Variants in CA6 observed in about 807,000 individuals in gnomAD.
The protein encoded by CA6 is carbonate dehydratase VI.
In CA6, 28 loss-of-function variants were observed where a neutral mutation model predicts 35.9. The ratio of observed to expected loss-of-function variants is 0.78; its 90% CI spans 0.58 to 1.07. The LOEUF is 1.07. CA6 is among the 50% of genes least tolerant of loss of function. The pLI is 0.00. For missense variants in CA6, 377 were observed against 382.0 expected (o/e 0.99, Z 0.11); for synonymous variants, 148 against 152.6 (o/e 0.97, Z 0.22).
In CA6 at chr1:8,962,626, A is replaced by T; in HGVS notation, c.541A>T (p.Ile181Phe). 1 of 1,613,898 alleles carries T rather than the reference A, an allele frequency of 6.2e-7. No homozygotes were observed. The highest frequency in any genetic ancestry group is 8.5e-7 in the Non-Finnish European group (1 of 1,179,810). ...YPENTYYSNF[I>F]SHLANIKYPG... ...TGAAAACACTTATTACAGCAACTTC[A>T]TTTCTCATCTGGCCAACATCAAGTA... The change falls in exon 5 of 8, where the codon ATT becomes TTT. Residue 181 changes from isoleucine to phenylalanine, a missense_variant. Coordinates refer to ENST00000377443, the MANE Select transcript of CA6 (RefSeq NM_001215.4).
intron 3 of CA6, among the ~76,000 whole-genome samples, chr1:8,958,286 C>T (rs974547066): frequency 2.6e-5 from 4 of 152,062 alleles, no homozygotes; most frequent in African/African-American, 9.7e-5. Context: ...TCCTGCCTCA[C>T]CCACCCGAGA....
chr1:8,969,199 C>T (rs573326193), intron 6 of CA6, among the ~76,000 whole-genome samples: 1 of 152,020 alleles, frequency 6.6e-6, no homozygotes, highest in East Asian at 1.9e-4. Flanking sequence ...CCTATAATCC[C>T]AGCCACTCAG....
At chr1:8,955,619 C>CGCCTCCTTTTAAGGCCCTTCCAT (rs1553162683) in intron 2 of CA6, among the ~76,000 whole-genome samples, 18 of 149,022 alleles carry the variant, frequency 1.2e-4, no homozygotes, top group African/African-American at 3.6e-4. Flanking sequence ...TGACCTTGCA[C>CGCCTCCTTTTAAGGCCCTTCCAT]GCCTCCTTTT....
Position 8,974,904 on chromosome 1 carries a change from T to A in CA6, c.*200T>A, listed in dbSNP as rs1640228750. 2 of 469,278 alleles carry A rather than the reference T, an allele frequency of 4.3e-6. No individual in the cohort carries two copies. Among genetic ancestry groups the A allele is most frequent in the African/African-American group, 2.0e-5 (1 of 49,116 alleles). 29.1% of individuals were successfully genotyped at this position (469,278 alleles called of 1,614,324 possible). ...TGGACAGGAAGTGAGATGGCTTCAG[T>A]TCATGAGACGGGATCTGAGTTAGAC... On this transcript the variant is annotated 3_prime_UTR_variant, in exon 8 of 8. Coordinates refer to ENST00000377443, the MANE Select transcript of CA6 (RefSeq NM_001215.4).
chr1:8,951,639 C>T (rs752041601), intron 2 of CA6: 3 of 765,202 alleles, frequency 3.9e-6, no homozygotes, highest in Non-Finnish European at 7.2e-6. Flanking sequence ...AGCCCAGCTT[C>T]CCAAGGGGCT....
chr1:8,957,097 G>T, intron 2 of CA6, 40 bp from the exon 3 acceptor site: 2 of 1,545,412 alleles, frequency 1.3e-6, no homozygotes, highest in East Asian at 2.3e-5. Flanking sequence ...ACCCCTCTGT[G>T]TTCACCTACT....
intron 1 of CA6, 50 bp from the exon 2 acceptor site, chr1:8,949,213 A>C (rs1639451872): frequency 1.4e-6 from 2 of 1,449,576 alleles, no homozygotes; most frequent in Non-Finnish European, 1.9e-6. Context: ...AGGTTCCTCC[A>C]GAGTGGGCGC....
At chr1:8,961,861 C>T (rs918252638) in intron 4 of CA6, among the ~76,000 whole-genome samples, 21 of 152,180 alleles carry the variant, frequency 1.4e-4, no homozygotes, top group African/African-American at 4.6e-4. Context: ...GGCTCTCTGT[C>T]GGAAGTCCTG....
chr1:8,954,872 GCCT>G (rs1206786653), intron 2 of CA6, among the ~76,000 whole-genome samples: 3 of 152,116 alleles, frequency 2.0e-5, no homozygotes, highest in Non-Finnish European at 2.9e-5. Context: ...GCCGGGCCTG[GCCT>G]CCTCATTTTA....
At chr1:8,951,234 G>T (rs28390126) in intron 2 of CA6, among the ~76,000 whole-genome samples, 3,686 of 33,950 alleles carry the variant, frequency 0.11, 98 homozygotes, top group Middle Eastern at 0.31. Context: ...AAAAAAAAAA[G>T]AAAGAAAGAA....
intron 4 of CA6, among the ~76,000 whole-genome samples, chr1:8,962,237 TAA>T (rs767436103): frequency 2.2e-5 from 3 of 137,804 alleles, no homozygotes; most frequent in Admixed American, 7.3e-5. Flanking sequence ...GCAAGACTCT[TAA>T]AAAAAAAAAA....
At chr1:8,969,112 G>A (rs112818450) in intron 6 of CA6, among the ~76,000 whole-genome samples, 16,298 of 151,882 alleles carry the variant, frequency 0.11, 1,546 homozygotes, top group African/African-American at 0.25. Context: ...TCAGGGGTTC[G>A]AGACCAGCCT....
chr1:8,966,371 A>G (rs972507025), intron 5 of CA6, among the ~76,000 whole-genome samples: 2 of 152,022 alleles, frequency 1.3e-5, no homozygotes, highest in African/African-American at 2.4e-5. Flanking sequence ...CGGCCTCCCA[A>G]AGTGCTGGGA....
intron 5 of CA6, among the ~76,000 whole-genome samples, chr1:8,965,399 C>T (rs1639944127): frequency 6.6e-6 from 1 of 152,168 alleles, no homozygotes; most frequent in Non-Finnish European, 1.5e-5. Context: ...ACCCATTCAA[C>T]AGTTACTCCC....
In CA6 at chr1:8,949,356, G is replaced by A; in HGVS notation, c.173G>A (p.Arg58Gln). ...ATCAACCTACAGAGGACGAAGGTGC[G>A]GTACAACCCCTCCTTGAAGGGGCTC... ...SPINLQRTKV[R>Q]YNPSLKGLNM... The change falls in exon 2 of 8, where the codon CGG (arginine) becomes CAG (glutamine). Residue 58 changes from arginine to glutamine, a missense_variant. By Grantham distance (43) the Arg-to-Gln change is conservative. Coordinates refer to ENST00000377443, the MANE Select transcript of CA6 (RefSeq NM_001215.4). 7 of 1,613,212 alleles carry A rather than the reference G, an allele frequency of 4.3e-6. No individual in the cohort carries two copies. The highest frequency in any genetic ancestry group is 2.2e-5 in the East Asian group (1 of 44,842).
At chr1:8,952,528 A>G (rs915481136) in intron 2 of CA6, 3 of 152,200 alleles carry the variant, frequency 2.0e-5, no homozygotes, top group Non-Finnish European at 4.4e-5. Context: ...CTCCAAGCAC[A>G]TTCAGGAATT....
chr1:8,960,993 G>A (rs1284638169), intron 4 of CA6, among the ~76,000 whole-genome samples: 2 of 152,122 alleles, frequency 1.3e-5, no homozygotes, highest in African/African-American at 4.8e-5. Flanking sequence ...AGCAGCAAGA[G>A]AAAAGGGATT....
intron 6 of CA6, 68 bp from the exon 7 acceptor site, chr1:8,970,799 C>T (rs2124192493): frequency 9.7e-7 from 1 of 1,026,880 alleles, no homozygotes. Flanking sequence ...CTGCGCCGGG[C>T]CAACTGTTAT....
At chr1:8,947,989 C>CA (rs1639412832) in intron 1 of CA6, among the ~76,000 whole-genome samples, 1 of 151,992 alleles carries the variant, frequency 6.6e-6, no homozygotes, top group African/African-American at 2.4e-5. Flanking sequence ...GGATTAACGG[C>CA]ATGTGCCACC....
Sources: gnomAD v4.1 joint callset for allele counts (sites outside exome capture counted in the v4.1 genomes callset) on GRCh38, gnomAD v4.1.1 for gene constraint, MANE v1.5 for transcripts, NCBI Gene and HGNC (gene_info 2026-07-23, HGNC 2026-07-21) for gene names.